The following ARAP1 variants were observed in gnomAD, a reference collection of about 807,000 sequenced individuals.
The protein encoded by ARAP1 is arf-GAP with Rho-GAP domain, ANK repeat and PH domain-containing protein 1.
Under a neutral mutation model 172.2 loss-of-function variants are expected in ARAP1, and 76 were observed. That is an observed-to-expected ratio of 0.44 (90% CI 0.37 to 0.53). The LOEUF is 0.53. Among genes scored for constraint, ARAP1 ranks in the 20% least tolerant of loss-of-function variants. ARAP1 has a pLI of 0.00. For missense variants in ARAP1, 1,686 were observed against 1,977.5 expected (o/e 0.85, Z 2.80); for synonymous variants, 804 against 803.3 (o/e 1.00, Z -0.01).
At chr11:72,713,081 TGCCC>T in intron 5 of ARAP1, 91 bp downstream of exon 5, 3 of 1,316,754 alleles carry the variant, frequency 2.3e-6, no homozygotes, top group Admixed American at 3.9e-5. Context: ...GGGAAATGGC[TGCCC>T]ACTCTCTGTC....
intron 14 of ARAP1, 54 bp from the exon 15 acceptor site, chr11:72,703,133 A>G: frequency 6.8e-7 from 1 of 1,464,842 alleles, no homozygotes; most frequent in Non-Finnish European, 9.0e-7. Context: ...GCCCACAAGG[A>G]AAGGGGCTAC....
chr11:72,694,130 A>G (rs1267981748), intron 27 of ARAP1, among the ~76,000 whole-genome samples: 1 of 145,302 alleles, frequency 6.9e-6, no homozygotes, highest in Non-Finnish European at 1.5e-5. Flanking sequence ...TCAGAAACAA[A>G]CCCCTCCTCC....
chr11:72,685,503 C>A lies in ARAP1; in HGVS notation c.*161G>T. The stretch of plus-strand genomic sequence containing the variant: ...TGACCCCTGCTGCCTCCCACCCCTG[C>A]CGGGGAACCCCATGCTGCAGTCAGG... On this transcript the variant is annotated 3_prime_UTR_variant, in exon 35 of 35. Coordinates refer to ENST00000393609, the MANE Select transcript of ARAP1 (RefSeq NM_001040118.3). The A allele has an allele frequency of 4.8e-6, 5 of 1,031,094 alleles. No individual in the cohort carries two copies. The highest frequency in any genetic ancestry group is 2.9e-6 in the Non-Finnish European group (2 of 688,540). 63.9% of individuals were successfully genotyped at this position (1,031,094 alleles called of 1,614,324 possible). A position where few individuals can be genotyped will look rare whatever the true frequency, so the allele number is the denominator to read the frequency against.
At chr11:72,719,979 C>T (rs1217590658) in intron 3 of ARAP1, among the ~76,000 whole-genome samples, 1 of 152,192 alleles carries the variant, frequency 6.6e-6, no homozygotes, top group Non-Finnish European at 1.5e-5. Flanking sequence ...GATCTGGGGC[C>T]TCCCTGGGGC....
chr11:72,697,785 A>C (rs1299366038), intron 19 of ARAP1, 126 bp downstream of exon 19: 6 of 1,502,426 alleles, frequency 4.0e-6, no homozygotes, highest in Non-Finnish European at 5.4e-6. Context: ...CCCCAAGGAC[A>C]TGAGAGGGCA....
chr11:72,710,603 A>T lies in ARAP1; in HGVS notation c.1214-16T>A, dbSNP rs1423720941. The T allele has an allele frequency of 1.3e-6, 2 of 1,593,744 alleles. No individual in the cohort carries two copies. The highest frequency in any genetic ancestry group is 3.4e-5 in the Admixed American group (2 of 59,138). ...TTCCGCTCCACTGCAGGAGAAGGGTAGAGGAGTAAGCCCAAGGTTGCAGGG... is the reference window on the plus strand; with the variant it reads ...TTCCGCTCCACTGCAGGAGAAGGGTTGAGGAGTAAGCCCAAGGTTGCAGGG... On this transcript the variant is annotated splice_polypyrimidine_tract_variant and intron_variant, in intron 9 of 34. Transcript: ENST00000393609. The surrounding 1 kb of genome is among the most constrained non-coding windows in gnomAD (Gnocchi z 4.3).
chr11:72,716,471 C>T (rs1857278213), intron 3 of ARAP1, among the ~76,000 whole-genome samples: 1 of 152,270 alleles, frequency 6.6e-6, no homozygotes, highest in Admixed American at 6.5e-5. Flanking sequence ...GCAACCACTG[C>T]CTTTGGCAGC....
chr11:72,715,906 T>C (rs1252088970), intron 3 of ARAP1, among the ~76,000 whole-genome samples: 1 of 152,086 alleles, frequency 6.6e-6, no homozygotes, highest in Non-Finnish European at 1.5e-5. Context: ...GGTGCAGTGG[T>C]TCACACCTGT....
At chr11:72,685,876 A>T in intron 34 of ARAP1, 166 bp downstream of exon 34, 1 of 1,398,452 alleles carries the variant, frequency 7.2e-7, no homozygotes, top group African/African-American at 1.4e-5. Flanking sequence ...GGCTCCTTTG[A>T]ATGGTGTGAA....
intron 11 of ARAP1, 144 bp downstream of exon 11, chr11:72,709,726 C>G (rs538729532): frequency 8.7e-6 from 7 of 807,626 alleles, no homozygotes; most frequent in Non-Finnish European, 1.3e-5. Context: ...TAGCAAGTGA[C>G]GGGAGAGGGG....
intron 3 of ARAP1, among the ~76,000 whole-genome samples, chr11:72,716,993 T>G (rs77756118): frequency 0.19 from 28,273 of 152,034 alleles, 2,720 homozygotes; most frequent in Non-Finnish European, 0.22. Context: ...ATGACCTGAG[T>G]CCCTTTGGGG....
At chr11:72,721,928 G>C (rs1432973742) in intron 3 of ARAP1, 54 of 986,224 alleles carry the variant, frequency 5.5e-5, no homozygotes, top group Non-Finnish European at 5.9e-5. Context: ...CAAGAATGTC[G>C]TGTACCTGCC....
chr11:72,695,355 T>C lies in ARAP1; in HGVS notation c.3576+32A>G, dbSNP rs1251639500. ...CTGTACCTGGCCCAGCCTGATTCTC[T>C]AGCCCCTTGGCTTCTAGGTCCCAGC... On this transcript the variant is annotated intron_variant, in intron 26 of 34. Transcript: ENST00000393609. This position sits in a 1 kb window ranked among gnomAD's most constrained non-coding sequence, Gnocchi z 4.4. 6 of 1,613,882 alleles carry C rather than the reference T, an allele frequency of 3.7e-6. No homozygotes were observed. Among genetic ancestry groups the C allele is most frequent in the Admixed American group, 1.7e-5 (1 of 60,022 alleles).
intron 1 of ARAP1, among the ~76,000 whole-genome samples, chr11:72,739,429 C>A (rs941178257): frequency 1.3e-5 from 2 of 152,024 alleles, no homozygotes; most frequent in African/African-American, 2.4e-5. Flanking sequence ...ACCCCAGAGC[C>A]GGGGGAATGA....
At chr11:72,705,776 G>C (rs765655943) in intron 13 of ARAP1, 29 bp downstream of exon 13, 1 of 1,612,614 alleles carries the variant, frequency 6.2e-7, no homozygotes, top group Non-Finnish European at 8.5e-7. Context: ...CAGACCCCAA[G>C]TATCGGTGGC....
chr11:72,751,431 C>T (rs554871098), intron 1 of ARAP1, among the ~76,000 whole-genome samples: 1 of 152,246 alleles, frequency 6.6e-6, no homozygotes, highest in South Asian at 2.1e-4. Flanking sequence ...CACCTGTCTT[C>T]AAGGCTCTGC....
At chr11:72,721,797 C>T (rs2135564199) in intron 3 of ARAP1, 1 of 986,286 alleles carries the variant, frequency 1.0e-6, no homozygotes, top group African/African-American at 1.7e-5. Context: ...CCTCCCAGGG[C>T]CTCCCTCCTA....
intron 1 of ARAP1, among the ~76,000 whole-genome samples, chr11:72,746,309 C>T (rs1244761154): frequency 2.6e-5 from 4 of 152,292 alleles, no homozygotes; most frequent in Admixed American, 1.3e-4. Flanking sequence ...GAAGGGGAGA[C>T]AGCCGGGTGT....
At chr11:72,702,842 G>T in intron 15 of ARAP1, 63 bp downstream of exon 15, 1 of 1,528,748 alleles carries the variant, frequency 6.5e-7, no homozygotes. Context: ...GAGAGCAGCA[G>T]GTAAATCAAA....
Sources: gnomAD v4.1 joint callset for allele counts (sites outside exome capture counted in the v4.1 genomes callset) on GRCh38, gnomAD v4.1.1 for gene constraint, Gnocchi (gnomAD v3.1) non-coding constraint, MANE v1.5 for transcripts, NCBI Gene and HGNC (gene_info 2026-07-23, HGNC 2026-07-21) for gene names.